DLGAP2: variants seen among roughly 807,000 people sequenced by gnomAD.
DLGAP2 encodes DLG associated protein 2, also known as disks large-associated protein 2.
A neutral mutation model predicts 100.3 loss-of-function variants in DLGAP2; 26 were observed. That is an observed-to-expected ratio of 0.26 (90% CI 0.19 to 0.36). The LOEUF is 0.36. Ranked by LOEUF, DLGAP2 falls within the 10% of genes least tolerant of loss-of-function variation. The pLI, the probability that DLGAP2 is intolerant of heterozygous loss-of-function variation, is 1.00. For synonymous variants in DLGAP2, 886 were observed against 630.1 expected (o/e 1.41, Z -6.08); for missense variants, 1,858 against 1,453.2 (o/e 1.28, Z -4.53).
intron 1 of DLGAP2, among the ~76,000 whole-genome samples, chr8:767,918 CT>C (rs1455337414): frequency 6.6e-6 from 1 of 152,208 alleles, no homozygotes; most frequent in Non-Finnish European, 1.5e-5. Flanking sequence ...ACACAATAAT[CT>C]CTTGAGATGG....
In DLGAP2 at chr8:1,697,203, G is replaced by T; in HGVS notation, c.2853G>T (p.Met951Ile). ...AGGACCTGGCCGGCTACTGGGACAT[G>T]CTGCAGCTCTCCATTGAGGACGTCA... ...TSQDLAGYWD[M>I]LQLSIEDVSM... Residue 951 changes from methionine (M) to isoleucine (I), a missense_variant, in exon 14 of 15, where the codon ATG becomes ATT. Met to Ile is a conservative substitution (Grantham distance 10). Transcript: ENST00000637795. 1 of 1,610,230 alleles carries T rather than the reference G, an allele frequency of 6.2e-7. No homozygotes were observed. The highest frequency in any genetic ancestry group is 2.2e-5 in the East Asian group (1 of 44,754).
intron 2 of DLGAP2, among the ~76,000 whole-genome samples, chr8:1,010,057 C>G (rs538288403): frequency 1.3e-5 from 2 of 152,312 alleles, no homozygotes; most frequent in East Asian, 3.9e-4. Context: ...CTTTTAATAT[C>G]GTGGTATCAG....
chr8:1,389,371 A>G (rs1030554719), intron 3 of DLGAP2, among the ~76,000 whole-genome samples: 3 of 152,086 alleles, frequency 2.0e-5, no homozygotes, highest in Non-Finnish European at 4.4e-5. Context: ...GGGAAGCCAG[A>G]GGATCTGCAG....
intron 1 of DLGAP2, among the ~76,000 whole-genome samples, chr8:802,399 G>A (rs1015052250): frequency 6.6e-6 from 1 of 152,124 alleles, no homozygotes; most frequent in Non-Finnish European, 1.5e-5. Flanking sequence ...CCTGGTTGAA[G>A]TCAGTGCTCT....
chr8:1,159,854 T>C (rs1796856414), intron 2 of DLGAP2, among the ~76,000 whole-genome samples: 1 of 152,060 alleles, frequency 6.6e-6, no homozygotes, highest in Non-Finnish European at 1.5e-5. Flanking sequence ...CCCGCAGGGG[T>C]GTCTGTCTAC....
intron 1 of DLGAP2, among the ~76,000 whole-genome samples, chr8:779,409 T>C (rs1821625800): frequency 6.6e-6 from 1 of 152,108 alleles, no homozygotes; most frequent in African/African-American, 2.4e-5. Context: ...CACTGGGGGC[T>C]CAACACAGTT....
In DLGAP2 at chr8:1,548,992, A is replaced by C. The variant is rs757352058; in HGVS notation, c.539A>C (p.His180Pro). ...ACGCGCGACGACTGCGCTGTGGCCC[A>C]CGCGGGCGCCAAGATCAACCGCATC... ...YDTRDDCAVA[H>P]AGAKINRIPA... The change falls in exon 5 of 15, where the codon CAC (histidine) becomes CCC (proline). Residue 180 changes from histidine to proline, a missense_variant. His to Pro is a moderately conservative substitution (Grantham distance 77). Transcript: ENST00000637795. The C allele has an allele frequency of 1.4e-5, 23 of 1,599,174 alleles. No individual in the cohort carries two copies. Among genetic ancestry groups the C allele is most frequent in the Non-Finnish European group, 2.0e-5 (23 of 1,179,120 alleles).
intron 3 of DLGAP2, among the ~76,000 whole-genome samples, chr8:1,297,481 AC>A (rs1800211139): frequency 7.6e-6 from 1 of 131,078 alleles, no homozygotes; most frequent in African/African-American, 2.9e-5. Context: ...CAGACACTAC[AC>A]GAGACAGGGA....
At chr8:1,119,649 T>C (rs957142128) in intron 2 of DLGAP2, among the ~76,000 whole-genome samples, 2 of 152,228 alleles carry the variant, frequency 1.3e-5, no homozygotes, top group African/African-American at 4.8e-5. Context: ...CAGCTGAGCT[T>C]CAAGTGATGG....
rs117275918 is a variant in DLGAP2, at chr8:1,003,700, G to T, written c.73+95734G>T. On this transcript the variant is annotated intron_variant, in intron 2 of 14. Transcript: ENST00000637795. ...CACTCACTCACACAGGGCAGGTGGG[G>T]CTGGCTGTCAGCTTGTAGCTCATCT... is the stretch of plus-strand genomic sequence containing the variant. 1.6e-3 allele frequency among the ~76,000 whole-genome samples: 242 copies of T among 152,308 alleles called. 1 individual carries two copies. The highest frequency in any genetic ancestry group is 2.5e-3 in the Non-Finnish European group (169 of 68,030).
chr8:1,676,465 C>A, intron 10 of DLGAP2, 68 bp from the exon 11 acceptor site: 6 of 1,500,094 alleles, frequency 4.0e-6, no homozygotes, highest in Non-Finnish European at 5.5e-6. Context: ...TCCACAACAA[C>A]AACAAAATAG....
chr8:1,058,439 A>G (rs868360767), intron 2 of DLGAP2, among the ~76,000 whole-genome samples: 2 of 152,186 alleles, frequency 1.3e-5, no homozygotes, highest in African/African-American at 2.4e-5. Flanking sequence ...GTCCAGTTCA[A>G]TCATCAATAG....
chr8:796,530 T>C (rs897669619), intron 1 of DLGAP2, among the ~76,000 whole-genome samples: 1 of 152,170 alleles, frequency 6.6e-6, no homozygotes, highest in East Asian at 1.9e-4. Context: ...CTGCCTCTCC[T>C]CCCCATGCCA....
intron 2 of DLGAP2, among the ~76,000 whole-genome samples, chr8:943,569 C>A (rs928620308): frequency 6.6e-6 from 1 of 151,936 alleles, no homozygotes; most frequent in African/African-American, 2.4e-5. Context: ...GTGGCCATCC[C>A]GCCACAAGCA....
intron 2 of DLGAP2, among the ~76,000 whole-genome samples, chr8:1,130,833 G>T (rs985594953): frequency 7.1e-6 from 1 of 140,498 alleles, no homozygotes; most frequent in Non-Finnish European, 1.6e-5. Flanking sequence ...GACCGGAGAT[G>T]GGCCTCCCTG....
intron 2 of DLGAP2, among the ~76,000 whole-genome samples, chr8:987,097 T>A (rs942528622): frequency 2.0e-5 from 3 of 152,220 alleles, no homozygotes; most frequent in South Asian, 4.1e-4. Flanking sequence ...CCGTCTTTTT[T>A]CCTATACTTC....
At chr8:1,536,552 G>A (rs139956598) in intron 4 of DLGAP2, among the ~76,000 whole-genome samples, 107 of 152,282 alleles carry the variant, frequency 7.0e-4, no homozygotes, top group African/African-American at 2.5e-3. Context: ...TGAGCCTGGC[G>A]TGATGGACTT....
At chr8:1,001,028 C>T (rs1410018729) in intron 2 of DLGAP2, among the ~76,000 whole-genome samples, 1 of 152,216 alleles carries the variant, frequency 6.6e-6, no homozygotes, top group Non-Finnish European at 1.5e-5. Context: ...GTGTCGATGA[C>T]ATTTGCAGGC....
intron 2 of DLGAP2, among the ~76,000 whole-genome samples, chr8:1,236,265 G>T (rs1798652102): frequency 2.3e-5 from 1 of 44,076 alleles, no homozygotes; most frequent in Non-Finnish European, 4.2e-5. Context: ...CTCACATGGT[G>T]CCGTTTCTAG....
Sources: gnomAD v4.1 joint callset for allele counts (sites outside exome capture counted in the v4.1 genomes callset) on GRCh38, gnomAD v4.1.1 for gene constraint, MANE v1.5 for transcripts, NCBI Gene and HGNC (gene_info 2026-07-23, HGNC 2026-07-21) for gene names.